The following CRADD variants were observed in gnomAD, a reference collection of about 807,000 sequenced individuals.
The protein encoded by CRADD is CARD and death domain containing adaptor protein.
A neutral mutation model predicts 15.5 loss-of-function variants in CRADD; 9 were observed. That is an observed-to-expected ratio of 0.58 (90% CI 0.35 to 1.01). The LOEUF (loss-of-function observed/expected upper bound fraction) is 1.01, where lower values mean the gene tolerates loss of function less well. CRADD is among the 50% of genes least tolerant of loss of function. The probability of loss-of-function intolerance (pLI) is 0.02; values close to 1 mark genes in which losing one functional copy is unlikely to be tolerated. For synonymous variants in CRADD, 118 were observed against 107.6 expected (o/e 1.10, Z -0.60); for missense variants, 227 against 250.3 (o/e 0.91, Z 0.63).
At chr12:93,700,584 C>T (rs1955820921) in intron 2 of CRADD, among the ~76,000 whole-genome samples, 1 of 152,100 alleles carries the variant, frequency 6.6e-6, no homozygotes, top group Non-Finnish European at 1.5e-5. Context: ...GCGCCCACCA[C>T]CATGCCCGGC....
chr12:93,772,825 G>A (rs1957098853), intron 2 of CRADD, among the ~76,000 whole-genome samples: 2 of 152,176 alleles, frequency 1.3e-5, no homozygotes, highest in African/African-American at 4.8e-5. Flanking sequence ...TAGGCCTGCT[G>A]ATCGTGCCCT....
chr12:93,894,002 T>G (rs1243431316), intron 2 of CRADD: 1 of 702,506 alleles, frequency 1.4e-6, no homozygotes. Flanking sequence ...TTAGCTCAGC[T>G]GATCGCCATA....
intron 2 of CRADD, among the ~76,000 whole-genome samples, chr12:93,809,724 G>A (rs1957597987): frequency 6.6e-6 from 1 of 152,146 alleles, no homozygotes; most frequent in South Asian, 2.1e-4. Context: ...GAATGAATGG[G>A]CATCTTGGCA....
At chr12:93,773,085 G>T (rs1268493844) in intron 2 of CRADD, among the ~76,000 whole-genome samples, 1 of 152,170 alleles carries the variant, frequency 6.6e-6, no homozygotes, top group East Asian at 1.9e-4. Context: ...TTCCTCATCT[G>T]TAAAATATAA....
chr12:93,677,875 G>A (rs766298542), intron 1 of CRADD: 3 of 152,604 alleles, frequency 2.0e-5, no homozygotes, highest in Non-Finnish European at 4.4e-5. Flanking sequence ...TGGTCGTACT[G>A]CCCGGGTGTG....
chr12:93,726,271 T>G (rs1345340864), intron 2 of CRADD, among the ~76,000 whole-genome samples: 1 of 151,942 alleles, frequency 6.6e-6, no homozygotes, highest in Non-Finnish European at 1.5e-5. Context: ...GCCCAGCTAA[T>G]TTTTGTATTT....
chr12:93,743,410 C>G (rs1835434977), intron 2 of CRADD, among the ~76,000 whole-genome samples: 3 of 152,146 alleles, frequency 2.0e-5, no homozygotes, highest in Admixed American at 2.0e-4. Context: ...CAGTTCACTG[C>G]AACCACCACC....
rs753420436 is a variant in CRADD, at chr12:93,894,055, A to G, written c.304A>G (p.Arg102Gly). The G allele has an allele frequency of 8.5e-6, 6 of 702,482 alleles. No individual in the cohort carries two copies. In the South Asian group the frequency reaches 8.9e-5, roughly 10 times the overall value. 43.5% of individuals were successfully genotyped at this position (702,482 alleles called of 1,614,324 possible). The stretch of plus-strand genomic sequence containing the variant: ...TCTCTTTCTTCTCATTTTAGAGATG[A>G]GGAAACTGAGGCCAAAGGATTCTGT... The change falls in exon 3 of 3, where the codon AGG (arginine) becomes GGG (glycine). Residue 102 changes from arginine (R) to glycine (G), a missense_variant. By Grantham distance (125) the Arg-to-Gly change is moderately radical (BLOSUM62 -2). Coordinates refer to the CRADD transcript ENST00000548483.
chr12:93,703,359 CTTT>C (rs34708379), intron 2 of CRADD, among the ~76,000 whole-genome samples: 8 of 136,474 alleles, frequency 5.9e-5, no homozygotes, highest in African/African-American at 5.4e-5. Context: ...TTTTCTTTTT[CTTT>C]TTTTTTTTTT....
At chr12:93,814,602 G>A (rs956624328) in intron 2 of CRADD, among the ~76,000 whole-genome samples, 5 of 152,180 alleles carry the variant, frequency 3.3e-5, no homozygotes, top group African/African-American at 4.8e-5. Context: ...CTGCTGTGAC[G>A]TCCTACAAAC....
chr12:93,810,551 CAAAAAAAAAAAAAAAAAAAAAAAA>C (rs56689824), intron 2 of CRADD, among the ~76,000 whole-genome samples: 858 of 39,086 alleles, frequency 0.022, 25 homozygotes, highest in Middle Eastern at 0.058. Context: ...AAATCAGTCT[CAAAAAAAAAAAAAAAAAAAAAAAA>C]AAAAAAAAAA....
chr12:93,831,776 A>G (rs540647098), intron 2 of CRADD, among the ~76,000 whole-genome samples: 2 of 152,186 alleles, frequency 1.3e-5, no homozygotes, highest in Admixed American at 1.3e-4. Flanking sequence ...CTTTGGGTAG[A>G]CCCTGTGATC....
intron 2 of CRADD, among the ~76,000 whole-genome samples, chr12:93,872,539 G>C (rs140292284): frequency 9.9e-5 from 15 of 152,166 alleles, no homozygotes; most frequent in African/African-American, 3.6e-4. Context: ...ATAGTTCAAG[G>C]TCTTAGATTT....
At position 93,867,600 on chromosome 12, in the gene CRADD, A is replaced by G. The variant is rs572469456; in HGVS notation, c.299-26450A>G. Among the ~76,000 whole-genome samples the G allele has an allele frequency of 2.0e-5, 3 of 152,140 alleles. No individual in the cohort carries two copies. In the South Asian group the frequency reaches 6.2e-4, roughly 32 times the overall value. On this transcript the variant is annotated intron_variant, in intron 2 of 2. Coordinates refer to the CRADD transcript ENST00000548483. ...CCAATTATTACAGGGATATGGTTCA[A>G]CTGAAATTGTAGTGACCTAATTTAC... is the stretch of plus-strand genomic sequence containing the variant.
intron 2 of CRADD, among the ~76,000 whole-genome samples, chr12:93,839,213 C>G (rs1322899634): frequency 6.6e-6 from 1 of 152,150 alleles, no homozygotes; most frequent in Non-Finnish European, 1.5e-5. Flanking sequence ...ATCTCTTCCC[C>G]CAGCAATGAG....
At chr12:93,687,997 C>T (rs1013418609) in intron 2 of CRADD, among the ~76,000 whole-genome samples, 1 of 152,138 alleles carries the variant, frequency 6.6e-6, no homozygotes, top group Non-Finnish European at 1.5e-5. Flanking sequence ...ACATGCAGTA[C>T]CTTGTGCTCT....
chr12:93,793,876 C>T (rs1411977837), intron 2 of CRADD, among the ~76,000 whole-genome samples: 1 of 152,182 alleles, frequency 6.6e-6, no homozygotes, highest in Non-Finnish European at 1.5e-5. Flanking sequence ...TGCTCTTGTT[C>T]ACAGCAGAGC....
chr12:93,756,069 C>T (rs1189923790), intron 2 of CRADD, among the ~76,000 whole-genome samples: 1 of 152,164 alleles, frequency 6.6e-6, no homozygotes, highest in Non-Finnish European at 1.5e-5. Flanking sequence ...AGCCTACAAT[C>T]AGCCCTGGCA....
intron 2 of CRADD, among the ~76,000 whole-genome samples, chr12:93,748,381 C>A (rs541281768): frequency 1.3e-5 from 2 of 149,010 alleles, no homozygotes; most frequent in East Asian, 4.2e-4. Flanking sequence ...TCTCAGCTCA[C>A]GGCAACCTCC....
Sources: gnomAD v4.1 joint callset for allele counts (sites outside exome capture counted in the v4.1 genomes callset) on GRCh38, gnomAD v4.1.1 for gene constraint, MANE v1.5 for transcripts, NCBI Gene and HGNC (gene_info 2026-07-23, HGNC 2026-07-21) for gene names.